VPS50: variants seen among roughly 807,000 people sequenced by gnomAD.
VPS50 encodes the protein syndetin.
A neutral mutation model predicts 139.7 loss-of-function variants in VPS50; 70 were observed. That is an observed-to-expected ratio of 0.50 (90% CI 0.41 to 0.61). VPS50 has a LOEUF of 0.61. Ranked by LOEUF, VPS50 falls within the 20% of genes least tolerant of loss-of-function variation. VPS50 has a pLI of 0.00. For synonymous variants in VPS50, 365 were observed against 376.7 expected, an observed-to-expected ratio of 0.97 and a Z score of 0.36; for missense variants, 921 against 1,133.7, an observed-to-expected ratio of 0.81 and a Z score of 2.69.
At chr7:93,260,630 A>G (rs55913466) in intron 9 of VPS50, among the ~76,000 whole-genome samples, 9 of 145,400 alleles carry the variant, frequency 6.2e-5, no homozygotes, top group East Asian at 2.3e-4. Flanking sequence ...TTAAGTCTCT[A>G]TGGTTTTTTT....
intron 20 of VPS50, 79 bp from the exon 21 acceptor site, chr7:93,323,528 ATAAT>A (rs1797680617): frequency 2.3e-6 from 1 of 428,650 alleles, no homozygotes; most frequent in Non-Finnish European, 3.6e-6. Context: ...TTTTAGTATA[ATAAT>A]TTTATTTTCT....
intron 9 of VPS50, among the ~76,000 whole-genome samples, chr7:93,269,816 T>A (rs1433751480): frequency 3.3e-5 from 5 of 152,088 alleles, no homozygotes; most frequent in Non-Finnish European, 4.4e-5. Context: ...TTGTTTTGAT[T>A]TATTTTTCCC....
chr7:93,244,331 C>A (rs1795087456), intron 2 of VPS50, among the ~76,000 whole-genome samples: 1 of 151,738 alleles, frequency 6.6e-6, no homozygotes. Context: ...TTCTTAAAAT[C>A]CATTAAAAGA....
chr7:93,327,228 A>G (rs907987587), intron 21 of VPS50, among the ~76,000 whole-genome samples: 1 of 152,202 alleles, frequency 6.6e-6, no homozygotes, highest in African/African-American at 2.4e-5. Flanking sequence ...AGCGCTTGAA[A>G]TATGTATGAC....
chr7:93,269,894 T>G (rs1795953826), intron 9 of VPS50, among the ~76,000 whole-genome samples: 1 of 152,100 alleles, frequency 6.6e-6, no homozygotes, highest in Admixed American at 6.6e-5. Flanking sequence ...CCCTATTTGC[T>G]TTGGCTGCTA....
intron 19 of VPS50, among the ~76,000 whole-genome samples, chr7:93,309,722 A>G (rs1797211311): frequency 6.6e-6 from 1 of 151,944 alleles, no homozygotes; most frequent in African/African-American, 2.4e-5. Flanking sequence ...CAAAACTATG[A>G]TAATTATAAG....
intron 23 of VPS50, among the ~76,000 whole-genome samples, chr7:93,343,093 T>C (rs1342803145): frequency 2.6e-5 from 4 of 152,132 alleles, no homozygotes; most frequent in African/African-American, 4.8e-5. Flanking sequence ...GAAAAAAATT[T>C]AGACGAATGT....
chr7:93,344,137 C>A lies in VPS50; in HGVS notation c.2207+2562C>A, dbSNP rs567875260. On this transcript the variant is annotated intron_variant, in intron 23 of 27. Coordinates refer to ENST00000305866, the MANE Select transcript of VPS50 (RefSeq NM_017667.4). ...TCAAAATAAAAGGATGGAGGAAGAT[C>A]TACCAAGCAAATCGAAAACAAAAAA... 5.3e-5 allele frequency among the ~76,000 whole-genome samples: 8 copies of A among 152,234 alleles called. No homozygotes were observed. The South Asian group carries it at 1.7e-3, about 32-fold the overall frequency.
chr7:93,265,676 TGCCTCA>T (rs1795820297), intron 9 of VPS50, among the ~76,000 whole-genome samples: 1 of 152,160 alleles, frequency 6.6e-6, no homozygotes, highest in South Asian at 2.1e-4. Flanking sequence ...GTGATTCTCC[TGCCTCA>T]GCCTCCTGAG....
intron 22 of VPS50, among the ~76,000 whole-genome samples, chr7:93,339,486 C>T (rs1798155921): frequency 6.6e-6 from 1 of 152,104 alleles, no homozygotes; most frequent in African/African-American, 2.4e-5. Context: ...AGATTTGTTA[C>T]TATCAAGTTG....
intron 22 of VPS50, among the ~76,000 whole-genome samples, chr7:93,341,113 T>C (rs953883696): frequency 2.6e-5 from 4 of 152,216 alleles, no homozygotes; most frequent in Admixed American, 2.0e-4. Context: ...TTACAAGTTC[T>C]TGAGGGCCAT....
At chr7:93,289,394 G>A (rs1204523113) in intron 12 of VPS50, among the ~76,000 whole-genome samples, 2 of 151,794 alleles carry the variant, frequency 1.3e-5, no homozygotes, top group African/African-American at 2.4e-5. Flanking sequence ...AAACTTTTAA[G>A]AATTCTATAT....
chr7:93,256,816 G>A (rs1258430322), intron 5 of VPS50, among the ~76,000 whole-genome samples: 2 of 152,032 alleles, frequency 1.3e-5, no homozygotes, highest in African/African-American at 4.8e-5. Flanking sequence ...CTTTAGAAGA[G>A]CCAGTGAAAA....
intron 1 of VPS50, among the ~76,000 whole-genome samples, chr7:93,234,410 A>G (rs1209402204): frequency 5.3e-5 from 8 of 152,218 alleles, no homozygotes. Flanking sequence ...AAAAAAATAC[A>G]TTAAAGAACA....
At chr7:93,274,736 G>A (rs1207251287) in intron 11 of VPS50, among the ~76,000 whole-genome samples, 2 of 152,200 alleles carry the variant, frequency 1.3e-5, no homozygotes, top group South Asian at 2.1e-4. Flanking sequence ...AAGGCTATAG[G>A]TACCATAGAT....
chr7:93,264,989 T>C lies in VPS50; in HGVS notation c.659+5357T>C, dbSNP rs926904450. On this transcript the variant is annotated intron_variant, in intron 9 of 27. Transcript: ENST00000305866. ...TCTGCCTCCCTCTGCCATGCTGTGC[T>C]GTTTTAAATAATGTAAAATAATAGT... Among the ~76,000 whole-genome samples the C allele has an allele frequency of 2.6e-5, 4 of 152,194 alleles. 1 individual carries two copies. The highest frequency in any genetic ancestry group is 9.7e-5 in the African/African-American group (4 of 41,446).
intron 2 of VPS50, 147 bp from the exon 3 acceptor site, chr7:93,252,506 T>C (rs1795364592): frequency 1.7e-6 from 1 of 584,080 alleles, no homozygotes; most frequent in South Asian, 2.3e-5. Context: ...TAATTTCCTG[T>C]GAACTTTTCT....
intron 20 of VPS50, among the ~76,000 whole-genome samples, chr7:93,322,371 G>A (rs1013619414): frequency 9.2e-5 from 14 of 151,850 alleles, no homozygotes; most frequent in Non-Finnish European, 1.5e-4. Context: ...AGGCCGAGGC[G>A]GGCGGATCAC....
At chr7:93,333,749 T>C (rs1474943045) in intron 21 of VPS50, 1 of 177,346 alleles carries the variant, frequency 5.6e-6, no homozygotes, top group Non-Finnish European at 1.2e-5. Context: ...TATGTTGTTA[T>C]GCTGCCACAT....
Sources: allele counts gnomAD v4.1 joint callset (sites outside exome capture counted in the v4.1 genomes callset), GRCh38; gene constraint gnomAD v4.1.1; transcripts MANE v1.5; gene names NCBI Gene and HGNC (gene_info 2026-07-23, HGNC 2026-07-21).